RIMS1: variants seen among roughly 807,000 people sequenced by gnomAD.
The protein encoded by RIMS1 is regulating synaptic membrane exocytosis protein 1.
A neutral mutation model predicts 214.1 loss-of-function variants in RIMS1; 83 were observed. The observed-to-expected ratio is 0.39, with a 90% CI of 0.32 to 0.47. The LOEUF (loss-of-function observed/expected upper bound fraction) is 0.47, where lower values mean the gene tolerates loss of function less well. RIMS1 is among the 20% of genes least tolerant of loss of function. RIMS1 has a pLI of 0.99. For synonymous variants in RIMS1, 793 were observed against 786.8 expected, an observed-to-expected ratio of 1.01 and a Z score of -0.13; for missense variants, 2,050 against 2,161.8, an observed-to-expected ratio of 0.95 and a Z score of 1.03.
chr6:72,139,533 C>T (rs2041828669), intron 4 of RIMS1, among the ~76,000 whole-genome samples: 1 of 152,106 alleles, frequency 6.6e-6, no homozygotes, highest in African/African-American at 2.4e-5. Context: ...AGTGTATCTG[C>T]TTCTTCCCAC....
intron 2 of RIMS1, among the ~76,000 whole-genome samples, chr6:72,089,849 G>A (rs1163727622): frequency 6.8e-6 from 1 of 146,400 alleles, no homozygotes; most frequent in African/African-American, 2.4e-5. Context: ...ATAAAAAAAT[G>A]ATGAGTTCAT....
At position 72,317,016 on chromosome 6, in the gene RIMS1, T is replaced by C. The variant is rs547753762; in HGVS notation, c.4130+3344T>C. 59 of 490,790 alleles carry C rather than the reference T, an allele frequency of 1.2e-4. 3 individuals are homozygous for C. Among genetic ancestry groups the C allele is most frequent in the South Asian group, 1.0e-3 (57 of 56,514 alleles). 30.4% of individuals were successfully genotyped at this position (490,790 alleles called of 1,614,324 possible). A position where few individuals can be genotyped will look rare whatever the true frequency, so the allele number is the denominator to read the frequency against. On this transcript the variant is annotated intron_variant, in intron 28 of 33. Coordinates refer to ENST00000521978, the MANE Select transcript of RIMS1 (RefSeq NM_014989.7). ...CCTGCTGGGAAGCCTCCCCCTCCATTCTTATGGGGCTGGGAAGAGGGCAGA... is the reference window on the plus strand; with the variant it reads ...CCTGCTGGGAAGCCTCCCCCTCCATCCTTATGGGGCTGGGAAGAGGGCAGA...
intron 1 of RIMS1, among the ~76,000 whole-genome samples, chr6:71,963,464 G>GA (rs756716546): frequency 2.4e-4 from 36 of 151,980 alleles, no homozygotes; most frequent in Non-Finnish European, 3.7e-4. Context: ...GCTCTCTTTA[G>GA]AAAAAATCAG....
intron 2 of RIMS1, among the ~76,000 whole-genome samples, chr6:72,026,123 A>G (rs1415491978): frequency 6.6e-6 from 1 of 152,202 alleles, no homozygotes; most frequent in South Asian, 2.1e-4. Flanking sequence ...GAAGGCCTAC[A>G]TAGAGCCCGA....
rs529068486 is a variant in RIMS1, at chr6:72,250,551, A to G, written c.2372+91A>G. ...CTTTTGGGATGTTTTTAAAAAATAT[A>G]ATAGATAATTCTGAGGAGATAAAAG... On this transcript the variant is annotated intron_variant, in intron 13 of 33. Coordinates refer to ENST00000521978, the MANE Select transcript of RIMS1 (RefSeq NM_014989.7). 30 of 944,078 alleles carry G rather than the reference A, an allele frequency of 3.2e-5. No individual in the cohort carries two copies. The East Asian group carries it at 7.8e-4, about 25-fold the overall frequency. 58.5% of individuals were successfully genotyped at this position (944,078 alleles called of 1,614,324 possible). A position where few individuals can be genotyped will look rare whatever the true frequency, so the allele number is the denominator to read the frequency against.
chr6:72,140,272 A>T (rs1277491467), intron 4 of RIMS1, among the ~76,000 whole-genome samples: 1 of 152,156 alleles, frequency 6.6e-6, no homozygotes, highest in Middle Eastern at 3.2e-3. Context: ...TCAGCAAGGA[A>T]CACTATTATT....
At chr6:71,969,579 C>G (rs372584410) in intron 2 of RIMS1, among the ~76,000 whole-genome samples, 8 of 152,094 alleles carry the variant, frequency 5.3e-5, no homozygotes, top group Admixed American at 6.5e-5. Context: ...AAGGCTGAGG[C>G]GGGTGGATCA....
intron 4 of RIMS1, among the ~76,000 whole-genome samples, chr6:72,110,586 C>T (rs1384102192): frequency 6.7e-6 from 1 of 149,308 alleles, no homozygotes; most frequent in African/African-American, 2.5e-5. Context: ...TGCTTATCAG[C>T]TTAAGGAGAT....
chr6:72,330,522 G>A (rs144909810), intron 28 of RIMS1, among the ~76,000 whole-genome samples: 147 of 151,688 alleles, frequency 9.7e-4, no homozygotes, highest in African/African-American at 3.3e-3. Context: ...CAGTTTTAGT[G>A]GTGCATAAAG....
intron 28 of RIMS1, among the ~76,000 whole-genome samples, chr6:72,321,057 G>A (rs1411578776): frequency 6.6e-6 from 1 of 151,940 alleles, no homozygotes; most frequent in Non-Finnish European, 1.5e-5. Context: ...TTTGCTAACT[G>A]TATACGTACT....
rs1374342255 is a variant in RIMS1, at chr6:72,183,116, G to A, written c.1645G>A (p.Val549Met). Reference protein sequence around the residue: ...STPEYTSCEDVELESESVSEK... With the variant: ...STPEYTSCEDMELESESVSEK... ...GCCCGAGTACACCAGCTGCGAGGAC[G>A]TGGAGCTGGAGAGCGAGAGCGTCAG... Residue 549 changes from valine (V) to methionine (M), a missense_variant, in exon 6 of 34, where the codon GTG becomes ATG. Physicochemically the swap from Val to Met is conservative, Grantham distance 21. Transcript: ENST00000521978. The A allele has an allele frequency of 2.5e-6, 4 of 1,592,024 alleles. No homozygotes were observed. The highest frequency in any genetic ancestry group is 3.4e-6 in the Non-Finnish European group (4 of 1,170,408).
chr6:72,102,209 C>T (rs187594512), intron 4 of RIMS1, among the ~76,000 whole-genome samples: 260 of 151,948 alleles, frequency 1.7e-3, no homozygotes, highest in Middle Eastern at 0.01. Context: ...TTGGGATTTC[C>T]CATAAATTTT....
chr6:72,392,826 T>C lies in RIMS1; in HGVS notation c.4618+16T>C. 2 of 1,541,146 alleles carry C rather than the reference T, an allele frequency of 1.3e-6. No individual in the cohort carries two copies. The highest frequency in any genetic ancestry group is 1.8e-6 in the Non-Finnish European group (2 of 1,119,994). On this transcript the variant is annotated intron_variant, in intron 31 of 33. Coordinates refer to ENST00000521978, the MANE Select transcript of RIMS1 (RefSeq NM_014989.7). The stretch of plus-strand genomic sequence containing the variant: ...CCTGCAATGGGTAAGAATCATTTTT[T>C]TTTTCTACAAGAAAATTGATGTTTT...
chr6:72,097,302 C>T, intron 3 of RIMS1, 140 bp downstream of exon 3: 2 of 715,326 alleles, frequency 2.8e-6, no homozygotes, highest in East Asian at 2.7e-5. Flanking sequence ...TCATTTTGTT[C>T]ATGTCCTTAA....
intron 9 of RIMS1, among the ~76,000 whole-genome samples, chr6:72,240,894 T>C (rs1471733227): frequency 6.6e-6 from 1 of 152,022 alleles, no homozygotes; most frequent in Non-Finnish European, 1.5e-5. Flanking sequence ...TGCATGCTTG[T>C]AATCCTAGCT....
chr6:72,382,668 G>T (rs1375700892), intron 29 of RIMS1, among the ~76,000 whole-genome samples: 1 of 152,062 alleles, frequency 6.6e-6, no homozygotes, highest in Non-Finnish European at 1.5e-5. Flanking sequence ...TACTTCTCTG[G>T]CTTCACACCT....
chr6:71,971,473 G>T (rs1795836570), intron 2 of RIMS1, among the ~76,000 whole-genome samples: 1 of 152,022 alleles, frequency 6.6e-6, no homozygotes, highest in East Asian at 1.9e-4. Context: ...GAGTTTAGGG[G>T]GATTACCATA....
chr6:72,350,303 C>A (rs181301574), intron 29 of RIMS1, among the ~76,000 whole-genome samples: 20 of 152,226 alleles, frequency 1.3e-4, no homozygotes, highest in Non-Finnish European at 2.2e-4. Flanking sequence ...GCTCTCAGTG[C>A]AATTGCAAGT....
chr6:72,158,655 C>T lies in RIMS1; in HGVS notation c.472-20920C>T, dbSNP rs1318495063. ...ATTCCCACCTATGAGTGAGAACATG[C>T]GGTGTTTGGTTTTTTGTCCTTGCAA... On this transcript the variant is annotated intron_variant, in intron 4 of 33. Transcript: ENST00000521978. 7.5e-5 allele frequency among the ~76,000 whole-genome samples: 10 copies of T among 133,316 alleles called. 1 individual carries two copies. In the South Asian group the frequency reaches 7.9e-4, roughly 11 times the overall value. The allele number at this position is 133,316 out of a possible 152,430, so 87.5% of individuals were successfully genotyped here.
Sources: gnomAD v4.1 joint callset for allele counts (sites outside exome capture counted in the v4.1 genomes callset) on GRCh38, gnomAD v4.1.1 for gene constraint, MANE v1.5 for transcripts, NCBI Gene and HGNC (gene_info 2026-07-23, HGNC 2026-07-21) for gene names.